Variants in PIWIL4 observed in about 807,000 individuals in gnomAD.
PIWIL4 encodes piwi-like protein 4.
PIWIL4 carries 50 observed loss-of-function variants against 100.9 expected under a neutral mutation model. The observed-to-expected ratio is 0.50, with a 90% confidence interval of 0.39 to 0.63. The LOEUF is 0.63. PIWIL4 is among the 20% of genes least tolerant of loss of function. The probability of loss-of-function intolerance (pLI) is 0.00; values close to 1 mark genes in which losing one functional copy is unlikely to be tolerated. For missense variants in PIWIL4, 887 were observed against 1,043.3 expected, an observed-to-expected ratio of 0.85 and a Z score of 2.06; for synonymous variants, 342 against 367.5, an observed-to-expected ratio of 0.93 and a Z score of 0.79.
chr11:94,594,241 C>T lies in PIWIL4; in HGVS notation c.1150+600C>T, dbSNP rs181943031. On this transcript the variant is annotated intron_variant, in intron 9 of 19. Transcript: ENST00000299001. ...TAGCATTTTGGGAGGCCAAGGCGGG[C>T]GGATCACCTGAAGTCAGGAGTTCGA... Among the ~76,000 whole-genome samples, 1,106 of 151,916 alleles carry T rather than the reference C, an allele frequency of 7.3e-3. 11 individuals are homozygous for T. The highest frequency in any genetic ancestry group is 0.025 in the African/African-American group (1,033 of 41,440).
intron 2 of PIWIL4, among the ~76,000 whole-genome samples, chr11:94,573,264 A>G (rs2135237183): frequency 6.6e-6 from 1 of 152,240 alleles, no homozygotes; most frequent in South Asian, 2.1e-4. Context: ...TCTTTTCCTA[A>G]TTGAATACCC....
chr11:94,583,715 A>G (rs961654275), intron 5 of PIWIL4, 146 bp downstream of exon 5: 6 of 1,052,750 alleles, frequency 5.7e-6, no homozygotes, highest in South Asian at 2.9e-5. Context: ...CTTCTCCTAC[A>G]TGAACAATAA....
intron 1 of PIWIL4, chr11:94,567,863 ACTTT>A (rs1948097135): frequency 9.6e-7 from 1 of 1,045,632 alleles, no homozygotes; most frequent in Non-Finnish European, 1.2e-6. Context: ...ATTCTCTTCT[ACTTT>A]CTGAGTTTTA....
intron 3 of PIWIL4, among the ~76,000 whole-genome samples, chr11:94,576,404 G>C (rs1033246673): frequency 6.6e-6 from 1 of 152,182 alleles, no homozygotes; most frequent in Non-Finnish European, 1.5e-5. Flanking sequence ...AAACTGCTGA[G>C]ATTACAGGTG....
intron 8 of PIWIL4, 103 bp from the exon 9 acceptor site, chr11:94,593,409 GTTAGAT>G: frequency 4.4e-6 from 5 of 1,140,576 alleles, no homozygotes; most frequent in Non-Finnish European, 6.0e-6. Context: ...TATGGGATTG[GTTAGAT>G]TTATTTATAT....
At chr11:94,598,521 C>T (rs1033678652) in intron 11 of PIWIL4, among the ~76,000 whole-genome samples, 2 of 152,132 alleles carry the variant, frequency 1.3e-5, no homozygotes, top group South Asian at 2.1e-4. Context: ...TAATATTTTA[C>T]GCAAAAATTA....
intron 13 of PIWIL4, among the ~76,000 whole-genome samples, chr11:94,606,503 G>A (rs1471960339): frequency 6.6e-6 from 1 of 152,282 alleles, no homozygotes; most frequent in East Asian, 1.9e-4. Context: ...AGGAGGCGGA[G>A]GTAGGCCCTT....
intron 12 of PIWIL4, 112 bp from the exon 13 acceptor site, chr11:94,603,872 C>T: frequency 1.6e-6 from 1 of 620,814 alleles, no homozygotes; most frequent in South Asian, 2.1e-5. Flanking sequence ...AATAATTTTT[C>T]CTAAAACTAC....
At chr11:94,602,756 A>C (rs2135284984) in intron 12 of PIWIL4, among the ~76,000 whole-genome samples, 1 of 152,340 alleles carries the variant, frequency 6.6e-6, no homozygotes, top group South Asian at 2.1e-4. Context: ...TTACTAATTA[A>C]TTGCATCAGC....
At chr11:94,595,274 C>A in intron 9 of PIWIL4, 35 bp from the exon 10 acceptor site, 1 of 1,583,632 alleles carries the variant, frequency 6.3e-7, no homozygotes, top group South Asian at 1.1e-5. Context: ...TGCTTATGTT[C>A]ATTTTCTCAC....
intron 10 of PIWIL4, among the ~76,000 whole-genome samples, chr11:94,596,568 A>T (rs1948561662): frequency 6.6e-6 from 1 of 152,116 alleles, no homozygotes; most frequent in Non-Finnish European, 1.5e-5. Flanking sequence ...CATGATCTCT[A>T]TTATCATGCT....
At chr11:94,591,313 C>T (rs773270937) in intron 8 of PIWIL4, among the ~76,000 whole-genome samples, 3 of 152,252 alleles carry the variant, frequency 2.0e-5, no homozygotes, top group Non-Finnish European at 4.4e-5. Flanking sequence ...GTACCTTTCT[C>T]CTTTACCCCT....
chr11:94,597,679 G>A lies in PIWIL4; in HGVS notation c.1269-125G>A, dbSNP rs1339624119. On this transcript the variant is annotated intron_variant, in intron 10 of 19. Transcript: ENST00000299001. Reference sequence around the variant, plus strand: ...GTTGTCCCGTAATTCTTTTAAGCAGGGAAAAAATATGCTGAGTAGAATTAG... The same window carrying A: ...GTTGTCCCGTAATTCTTTTAAGCAGAGAAAAAATATGCTGAGTAGAATTAG... 22 of 640,546 alleles carry A rather than the reference G, an allele frequency of 3.4e-5. No individual in the cohort carries two copies. In the South Asian group the frequency reaches 4.7e-4, roughly 14 times the overall value. The allele number at this position is 640,546 out of a possible 1,614,324, so 39.7% of individuals were successfully genotyped here.
intron 6 of PIWIL4, among the ~76,000 whole-genome samples, chr11:94,585,895 C>G (rs1480037374): frequency 1.3e-5 from 2 of 152,138 alleles, no homozygotes; most frequent in African/African-American, 4.8e-5. Context: ...GAAAGAGAAG[C>G]CAACCAAATA....
chr11:94,620,559 C>T (rs1297193468), intron 19 of PIWIL4, among the ~76,000 whole-genome samples: 5 of 152,126 alleles, frequency 3.3e-5, no homozygotes, highest in African/African-American at 1.2e-4. Context: ...GAGCTGTTCC[C>T]AAAGGCCAAG....
chr11:94,599,391 G>T (rs1177005878), intron 11 of PIWIL4, among the ~76,000 whole-genome samples: 2 of 152,136 alleles, frequency 1.3e-5, no homozygotes, highest in Non-Finnish European at 2.9e-5. Flanking sequence ...TCAACTTCTT[G>T]GCCCATTCTG....
chr11:94,605,246 G>A (rs1948699609), intron 13 of PIWIL4, among the ~76,000 whole-genome samples: 1 of 152,168 alleles, frequency 6.6e-6, no homozygotes, highest in South Asian at 2.1e-4. Context: ...CCTGCACTTA[G>A]TTGTCCAGTC....
intron 8 of PIWIL4, among the ~76,000 whole-genome samples, chr11:94,589,760 C>T (rs1357084809): frequency 6.6e-6 from 1 of 152,110 alleles, no homozygotes; most frequent in Admixed American, 6.6e-5. Context: ...CATCAAGTCT[C>T]AAGGGAGCCC....
chr11:94,575,555 T>C (rs1028769632), intron 3 of PIWIL4, among the ~76,000 whole-genome samples: 13 of 152,206 alleles, frequency 8.5e-5, no homozygotes, highest in African/African-American at 3.1e-4. Flanking sequence ...AGTAGGTCTA[T>C]TGTTTTCATT....
Sources: gnomAD v4.1 joint callset for allele counts (sites outside exome capture counted in the v4.1 genomes callset) on GRCh38, gnomAD v4.1.1 for gene constraint, MANE v1.5 for transcripts, NCBI Gene and HGNC (gene_info 2026-07-23, HGNC 2026-07-21) for gene names.